SPTAN1: variants seen among roughly 807,000 people sequenced by gnomAD.
SPTAN1 encodes the protein spectrin alpha chain, non-erythrocytic 1.
A neutral mutation model predicts 331.3 loss-of-function variants in SPTAN1; 61 were observed. The observed-to-expected ratio is 0.18, with a 90% CI of 0.15 to 0.23. SPTAN1 has a LOEUF of 0.23. SPTAN1 is among the 10% of genes least tolerant of loss of function. The pLI, the probability that SPTAN1 is intolerant of heterozygous loss-of-function variation, is 1.00. For synonymous variants in SPTAN1, 1,153 were observed against 1,173.9 expected, an observed-to-expected ratio of 0.98 and a Z score of 0.36; for missense variants, 2,043 against 3,147.9, an observed-to-expected ratio of 0.65 and a Z score of 8.40.
At chr9:128,612,355 C>A (rs1006113067) in intron 39 of SPTAN1, 109 bp downstream of exon 39, 41 of 1,388,852 alleles carry the variant, frequency 3.0e-5, no homozygotes, top group Non-Finnish European at 3.2e-5. Flanking sequence ...CCAGACACCC[C>A]TTTTGACAGA....
At chr9:128,628,052 C>A in intron 51 of SPTAN1, 110 bp downstream of exon 51, 1 of 1,359,240 alleles carries the variant, frequency 7.4e-7, no homozygotes. Flanking sequence ...CTGCCCAGGG[C>A]GGGCTGCACT....
At chr9:128,565,188 C>T (rs991631528) in intron 1 of SPTAN1, among the ~76,000 whole-genome samples, 5 of 151,958 alleles carry the variant, frequency 3.3e-5, no homozygotes, top group African/African-American at 4.8e-5. Context: ...CTGTAGTCCC[C>T]GCTACTCGGG....
intron 41 of SPTAN1, among the ~76,000 whole-genome samples, chr9:128,616,354 A>C (rs958338441): frequency 2.0e-5 from 3 of 151,282 alleles, no homozygotes; most frequent in Non-Finnish European, 2.9e-5. Flanking sequence ...ACCTCACCTG[A>C]CCTCAAGTGA....
chr9:128,590,719 C>T (rs1479456858), intron 21 of SPTAN1, among the ~76,000 whole-genome samples: 11 of 151,838 alleles, frequency 7.2e-5, no homozygotes, highest in Non-Finnish European at 1.3e-4. Context: ...TGCGTGGTGG[C>T]GTGCACCTGT....
chr9:128,559,542 T>C (rs564136613), intron 1 of SPTAN1, among the ~76,000 whole-genome samples: 24 of 152,330 alleles, frequency 1.6e-4, no homozygotes, highest in Non-Finnish European at 2.2e-4. Flanking sequence ...AGTGTCGTTA[T>C]TGTTCCATGT....
intron 3 of SPTAN1, among the ~76,000 whole-genome samples, chr9:128,570,328 ATATTTTTTT>A (rs1263596694): frequency 0.067 from 4,862 of 72,944 alleles, 84 homozygotes; most frequent in East Asian, 0.25. Context: ...ATATATATAT[ATATTTTTTT>A]TTTTTTTTTT....
intron 9 of SPTAN1, among the ~76,000 whole-genome samples, chr9:128,579,093 C>A (rs1440154167): frequency 6.6e-6 from 1 of 152,096 alleles, no homozygotes; most frequent in Middle Eastern, 3.2e-3. Context: ...ATCTAGTACA[C>A]AGATGGAACG....
In SPTAN1 at chr9:128,607,674, G is replaced by A. The variant is rs1856064775; in HGVS notation, c.4117G>A (p.Gly1373Arg). ...AGATGAGCTAGCCAAGGATGTCACCGGAGCTGAGGCATTGCTGGAGCGACA... is the reference window on the plus strand; with the variant it reads ...AGATGAGCTAGCCAAGGATGTCACCAGAGCTGAGGCATTGCTGGAGCGACA... ...SSDELAKDVTGAEALLERHQE... is the reference protein window; with the variant it reads ...SSDELAKDVTRAEALLERHQE... Residue 1373 changes from glycine (G) to arginine (R), a missense_variant, in exon 32 of 57, where the codon GGA becomes AGA. This residue lies in a region of SPTAN1 where 179 missense variants were observed against 215.7 expected (regional missense o/e 0.83). Coordinates refer to ENST00000372739, the MANE Select transcript of SPTAN1 (RefSeq NM_001130438.3). The A allele has an allele frequency of 4.3e-6, 7 of 1,613,948 alleles. No homozygotes were observed. Among genetic ancestry groups the A allele is most frequent in the African/African-American group, 1.3e-5 (1 of 74,876 alleles).
intron 20 of SPTAN1, 132 bp from the exon 21 acceptor site, chr9:128,588,677 T>A: frequency 7.7e-7 from 1 of 1,295,568 alleles, no homozygotes; most frequent in Non-Finnish European, 1.1e-6. Flanking sequence ...TATTGGTAGC[T>A]TCAGTGAAGA....
At chr9:128,622,346 C>G (rs1281143828) in intron 45 of SPTAN1, among the ~76,000 whole-genome samples, 1 of 134,396 alleles carries the variant, frequency 7.4e-6, no homozygotes, top group African/African-American at 2.9e-5. Context: ...GTTGCCCAGG[C>G]TGGAGTGCAG....
chr9:128,582,604 C>T, intron 13 of SPTAN1, 48 bp downstream of exon 13: 1 of 1,611,398 alleles, frequency 6.2e-7, no homozygotes, highest in Non-Finnish European at 8.5e-7. Context: ...ACATGAATGT[C>T]TCTTCTAAGA....
rs1176238326 is a variant in SPTAN1 at position 128,618,051 on chromosome 9, A to C, written c.5543A>C (p.Gln1848Pro). 1 of 1,614,124 alleles carries C rather than the reference A, an allele frequency of 6.2e-7. No homozygotes were observed. Among genetic ancestry groups the C allele is most frequent in the East Asian group, 2.2e-5 (1 of 44,872 alleles). ...DNTIGKEEIQ[Q>P]RLAQFVEHWK... Reference sequence around the variant, plus strand: ...ACCATCGGGAAAGAGGAGATCCAGCAGCGGCTGGCGCAGTTTGTGGAGCAC... The same window carrying C: ...ACCATCGGGAAAGAGGAGATCCAGCCGCGGCTGGCGCAGTTTGTGGAGCAC... Residue 1848 changes from glutamine to proline, a missense_variant, in exon 43 of 57, where the codon CAG (glutamine) becomes CCG (proline). By Grantham distance (76) the Gln-to-Pro change is moderately conservative. Around this residue, in one of 12 missense-constraint regions of SPTAN1, gnomAD observed 323 missense variants for 581.1 expected, o/e 0.56. Coordinates refer to ENST00000372739, the MANE Select transcript of SPTAN1 (RefSeq NM_001130438.3).
intron 24 of SPTAN1, chr9:128,596,566 A>G (rs7870291): frequency 0.97 from 147,911 of 152,234 alleles, 72,018 homozygotes; most frequent in East Asian, 1. Context: ...GTGAGCCACC[A>G]CGCCCGGCCT....
At chr9:128,598,535 G>A (rs773153524) in intron 25 of SPTAN1, 31 bp downstream of exon 25, 2 of 1,507,150 alleles carry the variant, frequency 1.3e-6, no homozygotes, top group South Asian at 1.2e-5. Flanking sequence ...GTGAGGCTCT[G>A]TTGCTGTAAG....
In SPTAN1 at chr9:128,566,794, G is replaced by A. The variant is rs1431947930; in HGVS notation, c.54G>A (p.Arg18=). 3.1e-6 allele frequency: 5 copies of A among 1,614,104 alleles called. No individual in the cohort carries two copies. The highest frequency in any genetic ancestry group is 4.2e-6 in the Non-Finnish European group (5 of 1,180,048). Residue 18 remains arginine, a synonymous_variant, in exon 2 of 57, where the codon AGG becomes AGA. Transcript: ENST00000372739. ...AAACAGCAGAGGACATCCAGGAGAG[G>A]CGGCAGCAGGTCCTAGACCGATACC... The part of the protein sequence containing the change: ...VLETAEDIQE[R]RQQVLDRYHR...
At chr9:128,578,082 CAT>C (rs762593308) in intron 8 of SPTAN1, 26 bp from the exon 9 acceptor site, 59 of 1,612,130 alleles carry the variant, frequency 3.7e-5, no homozygotes, top group Non-Finnish European at 4.8e-5. Context: ...CCGCTGGAAA[CAT>C]AATGTCTTCC....
In SPTAN1 at chr9:128,584,245, C is replaced by G. The variant is rs759470235; in HGVS notation, c.2194-37C>G. The G allele has an allele frequency of 4.3e-6, 7 of 1,613,848 alleles. No homozygotes were observed. In the Admixed American group the frequency reaches 1.2e-4, roughly 27 times the overall value. On this transcript the variant is annotated intron_variant, in intron 16 of 56. Coordinates refer to ENST00000372739, the MANE Select transcript of SPTAN1 (RefSeq NM_001130438.3). Reference sequence around the variant, plus strand: ...TTCTCTGTATACGATAAAACCACACCCAAAGTAAAGTCTGCTCTGTCCTTT... The same window carrying G: ...TTCTCTGTATACGATAAAACCACACGCAAAGTAAAGTCTGCTCTGTCCTTT...
rs1489017459 is a variant in SPTAN1, at chr9:128,632,795, C to T, written c.7161-13C>T. 5 of 1,613,948 alleles carry T rather than the reference C, an allele frequency of 3.1e-6. No individual in the cohort carries two copies. The Admixed American group carries it at 5.0e-5, about 16-fold the overall frequency. ...GCCCTCCCTGCTCAGGCTCTTGCTTCCCCCGCTCCTAGAGATGGCCATGTC... is the reference window on the plus strand; with the variant it reads ...GCCCTCCCTGCTCAGGCTCTTGCTTTCCCCGCTCCTAGAGATGGCCATGTC... On this transcript the variant is annotated splice_polypyrimidine_tract_variant and intron_variant, in intron 55 of 56. Transcript: ENST00000372739.
At chr9:128,588,363 G>A (rs754114979) in intron 20 of SPTAN1, among the ~76,000 whole-genome samples, 2 of 137,318 alleles carry the variant, frequency 1.5e-5, no homozygotes, top group African/African-American at 2.8e-5. Flanking sequence ...CCAGGTTGAA[G>A]TGCATTGGCC....
Sources: gnomAD v4.1 joint callset for allele counts (sites outside exome capture counted in the v4.1 genomes callset) on GRCh38, gnomAD v4.1.1 for gene constraint, gnomAD v4.1.1 regional missense constraint, MANE v1.5 for transcripts, NCBI Gene and HGNC (gene_info 2026-07-23, HGNC 2026-07-21) for gene names.